The following RPTOR variants were observed in gnomAD, a reference collection of about 807,000 sequenced individuals.
RPTOR encodes the protein regulatory associated protein of MTOR complex 1.
Under a neutral mutation model 169.9 loss-of-function variants are expected in RPTOR, and 21 were observed. The observed-to-expected ratio is 0.12, with a 90% confidence interval of 0.09 to 0.18. RPTOR has a LOEUF of 0.18. Among genes scored for constraint, RPTOR ranks in the 10% least tolerant of loss-of-function variants. The pLI is 1.00. For synonymous variants in RPTOR, 732 were observed against 753.2 expected (o/e 0.97, Z 0.46); for missense variants, 1,133 against 1,855.9 (o/e 0.61, Z 7.16).
Position 80,964,392 on chromosome 17 carries a change from C to G in RPTOR, c.*62C>G. On this transcript the variant is annotated 3_prime_UTR_variant, in exon 34 of 34. Coordinates refer to ENST00000306801, the MANE Select transcript of RPTOR (RefSeq NM_020761.3). ...CTGTACATAGTGAAGCTGTCACTCGCCGGGGCACGGGGCGTCGGCTGCTGC... is the reference window on the plus strand; with the variant it reads ...CTGTACATAGTGAAGCTGTCACTCGGCGGGGCACGGGGCGTCGGCTGCTGC... 1 of 1,551,412 alleles carries G rather than the reference C, an allele frequency of 6.4e-7. No homozygotes were observed. The highest frequency in any genetic ancestry group is 8.8e-7 in the Non-Finnish European group (1 of 1,136,734).
chr17:80,882,876 G>A (rs528114017), intron 14 of RPTOR, among the ~76,000 whole-genome samples: 4 of 152,316 alleles, frequency 2.6e-5, no homozygotes, highest in East Asian at 3.9e-4. Context: ...TAGACCGCGC[G>A]ACGTGTGTGT....
rs1487342387 is a variant in RPTOR at position 80,960,804 on chromosome 17, G to T, written c.3606-590G>T. 6.2e-6 allele frequency: 1 copy of T among 160,410 alleles called. No homozygotes were observed. The highest frequency in any genetic ancestry group is 5.8e-5 in the Admixed American group (1 of 17,258). 9.9% of individuals were successfully genotyped at this position (160,410 alleles called of 1,614,324 possible). Reference sequence around the variant, plus strand: ...TGGCAGGGGACAGGGCACACGCGTGGGCACAGCAGCCCCGGGCACTGCCTC... The same window carrying T: ...TGGCAGGGGACAGGGCACACGCGTGTGCACAGCAGCCCCGGGCACTGCCTC... On this transcript the variant is annotated intron_variant, in intron 30 of 33. Coordinates refer to ENST00000306801, the MANE Select transcript of RPTOR (RefSeq NM_020761.3). The surrounding 1 kb of genome is among the most constrained non-coding windows in gnomAD (Gnocchi z 4.8).
intron 6 of RPTOR, among the ~76,000 whole-genome samples, chr17:80,779,747 G>T (rs1480606963): frequency 6.6e-6 from 1 of 152,158 alleles, no homozygotes; most frequent in East Asian, 1.9e-4. Context: ...CCAGCTCTTG[G>T]CATAGTTTCC....
chr17:80,940,701 T>C (rs947588921), intron 25 of RPTOR, 100 bp downstream of exon 25: 12 of 923,052 alleles, frequency 1.3e-5, no homozygotes, highest in Non-Finnish European at 1.7e-5. Flanking sequence ...CGCACAACCT[T>C]CTCCAGCCAT....
chr17:80,583,259 G>A (rs1467026862), intron 1 of RPTOR, among the ~76,000 whole-genome samples: 2 of 132,028 alleles, frequency 1.5e-5, no homozygotes, highest in Admixed American at 8.6e-5. Flanking sequence ...CGCGATCACC[G>A]CTCATTGCAG....
chr17:80,777,516 G>A (rs1189142411), intron 6 of RPTOR, among the ~76,000 whole-genome samples: 1 of 151,526 alleles, frequency 6.6e-6, no homozygotes, highest in Non-Finnish European at 1.5e-5. Context: ...ATGACATCAG[G>A]CATCTTTTTA....
intron 1 of RPTOR, among the ~76,000 whole-genome samples, chr17:80,585,992 C>T (rs1468248238): frequency 5.9e-5 from 9 of 151,946 alleles, no homozygotes; most frequent in East Asian, 1.9e-4. Context: ...TTCTGAGCCC[C>T]GTTCTCAGTG....
chr17:80,833,552 T>C (rs2067531078), intron 9 of RPTOR, among the ~76,000 whole-genome samples: 4 of 152,200 alleles, frequency 2.6e-5, no homozygotes, highest in Admixed American at 2.0e-4. Flanking sequence ...CGTGTGTACG[T>C]AGGACCCACT....
At chr17:80,762,936 G>T (rs1383201632) in intron 6 of RPTOR, among the ~76,000 whole-genome samples, 2 of 152,196 alleles carry the variant, frequency 1.3e-5, no homozygotes, top group Non-Finnish European at 2.9e-5. Flanking sequence ...AAATAAAGTT[G>T]TAACTGTAAA....
At chr17:80,585,192 TATTA>T (rs1568319695) in intron 1 of RPTOR, among the ~76,000 whole-genome samples, 16 of 148,522 alleles carry the variant, frequency 1.1e-4, no homozygotes, top group African/African-American at 3.9e-4. Context: ...TTATTATTAT[TATTA>T]TTATTATTTT....
rs183998273 is a variant in RPTOR, at chr17:80,895,702, T to C, written c.2401+1837T>C. 3.3e-3 allele frequency among the ~76,000 whole-genome samples: 507 copies of C among 152,336 alleles called. 8 individuals are homozygous for C. Among genetic ancestry groups the C allele is most frequent in the African/African-American group, 0.012 (494 of 41,582 alleles). ...GCTTTTGTAGATGTCGCCCCAGGCCTTCCACGGGATCCTCTGTTCTAAAGC... is the reference window on the plus strand; with the variant it reads ...GCTTTTGTAGATGTCGCCCCAGGCCCTCCACGGGATCCTCTGTTCTAAAGC... On this transcript the variant is annotated intron_variant, in intron 20 of 33. Coordinates refer to ENST00000306801, the MANE Select transcript of RPTOR (RefSeq NM_020761.3).
chr17:80,670,560 G>A (rs181895552), intron 3 of RPTOR, among the ~76,000 whole-genome samples: 4 of 152,180 alleles, frequency 2.6e-5, no homozygotes, highest in South Asian at 4.1e-4. Flanking sequence ...TGCAGTTTTC[G>A]TATTTATTGT....
At chr17:80,738,419 G>A (rs558918309) in intron 5 of RPTOR, among the ~76,000 whole-genome samples, 9 of 152,302 alleles carry the variant, frequency 5.9e-5, no homozygotes, top group East Asian at 5.8e-4. Flanking sequence ...GGCACCTTTC[G>A]TAACTCCGAG....
chr17:80,697,640 G>A (rs1300557758), intron 3 of RPTOR, among the ~76,000 whole-genome samples: 4 of 152,232 alleles, frequency 2.6e-5, no homozygotes, highest in Non-Finnish European at 4.4e-5. Context: ...CTGGGCCAAG[G>A]AGCCACCTTG....
chr17:80,655,042 T>C (rs930659615), intron 3 of RPTOR, among the ~76,000 whole-genome samples: 1 of 152,374 alleles, frequency 6.6e-6, no homozygotes, highest in East Asian at 1.9e-4. Flanking sequence ...CACAAAATTA[T>C]TGAAGACTTC....
intron 1 of RPTOR, among the ~76,000 whole-genome samples, chr17:80,587,439 A>T (rs1568321242): frequency 6.6e-6 from 1 of 152,218 alleles, no homozygotes; most frequent in Admixed American, 6.5e-5. Flanking sequence ...TATGATGAAT[A>T]GTGCTGCTAT....
Position 80,633,682 on chromosome 17 carries a change from G to C in RPTOR, c.265+7889G>C, listed in dbSNP as rs1013085614. ...TCATGTGAAATTCCCCTTTGTAGTT[G>C]ATAGGTATTTTCGGGAAGAAGTGCT... On this transcript the variant is annotated intron_variant, in intron 2 of 33. Coordinates refer to ENST00000306801, the MANE Select transcript of RPTOR (RefSeq NM_020761.3). This position sits in a 1 kb window ranked among gnomAD's most constrained non-coding sequence, Gnocchi z 4.1. 3.9e-5 allele frequency among the ~76,000 whole-genome samples: 6 copies of C among 152,206 alleles called. No homozygotes were observed. The highest frequency in any genetic ancestry group is 7.3e-5 in the Non-Finnish European group (5 of 68,034).
chr17:80,715,858 G>C (rs1290230853), intron 4 of RPTOR, among the ~76,000 whole-genome samples: 1 of 151,990 alleles, frequency 6.6e-6, no homozygotes, highest in Non-Finnish European at 1.5e-5. Context: ...TAAAATAATA[G>C]TCTCCAGTCT....
In RPTOR at chr17:80,883,478, G is replaced by C; in HGVS notation, c.1644G>C (p.Thr548=). 1 of 1,613,976 alleles carries C rather than the reference G, an allele frequency of 6.2e-7. No individual in the cohort carries two copies. Among genetic ancestry groups the C allele is most frequent in the Non-Finnish European group, 8.5e-7 (1 of 1,179,976 alleles). The change falls in exon 15 of 34, where the codon ACG becomes ACC. Residue 548 remains threonine, a synonymous_variant. Coordinates refer to ENST00000306801, the MANE Select transcript of RPTOR (RefSeq NM_020761.3). ...CCGTGATCGTCAACAGCTATCACAC[G>C]GGGCAGGTGAGCCCCCCAGCCACCC... is the stretch of plus-strand genomic sequence containing the variant. ...ILAVIVNSYH[T]GQEACLQGNL... is the part of the protein sequence containing the mutation.
Sources: allele counts gnomAD v4.1 joint callset (sites outside exome capture counted in the v4.1 genomes callset), GRCh38; gene constraint gnomAD v4.1.1; non-coding constraint Gnocchi (gnomAD v3.1); transcripts MANE v1.5; gene names NCBI Gene and HGNC (gene_info 2026-07-23, HGNC 2026-07-21).